Variants in CFAP77 observed in about 807,000 individuals in gnomAD.
The protein encoded by CFAP77 is cilia and flagella associated protein 77, also known as cilia- and flagella-associated protein 77.
CFAP77 carries 25 observed loss-of-function variants against 31.1 expected under a neutral mutation model. That is an observed-to-expected ratio of 0.80 (90% CI 0.59 to 1.12). The LOEUF (loss-of-function observed/expected upper bound fraction) is 1.12, where lower values mean the gene tolerates loss of function less well. Among genes scored for constraint, CFAP77 ranks in the 50% most tolerant of loss-of-function variants. The probability of loss-of-function intolerance (pLI) is 0.00; values close to 1 mark genes in which losing one functional copy is unlikely to be tolerated. For synonymous variants in CFAP77, 151 were observed against 159.9 expected (o/e 0.94, Z 0.42); for missense variants, 377 against 397.3 (o/e 0.95, Z 0.44).
intron 3 of CFAP77, among the ~76,000 whole-genome samples, chr9:132,515,000 G>T (rs1049577650): frequency 5.9e-5 from 9 of 152,164 alleles, no homozygotes; most frequent in Non-Finnish European, 8.8e-5. Flanking sequence ...GGACAGAAGT[G>T]CCGGGGGCCA....
At chr9:132,423,456 G>A (rs1403144174) in intron 1 of CFAP77, among the ~76,000 whole-genome samples, 1 of 152,214 alleles carries the variant, frequency 6.6e-6, no homozygotes, top group Non-Finnish European at 1.5e-5. Flanking sequence ...GCCGGGCACT[G>A]TGCCTCTCCC....
At chr9:132,487,339 G>A (rs1169918952) in intron 1 of CFAP77, among the ~76,000 whole-genome samples, 1 of 152,054 alleles carries the variant, frequency 6.6e-6, no homozygotes, top group Admixed American at 6.6e-5. Context: ...TCTCCTCCAT[G>A]ACCCCTCGCC....
chr9:132,549,389 C>T (rs1194076825), intron 5 of CFAP77, among the ~76,000 whole-genome samples: 2 of 152,168 alleles, frequency 1.3e-5, no homozygotes, highest in Non-Finnish European at 2.9e-5. Context: ...GTGTAGGGCA[C>T]CAAGTGCAGG....
At chr9:132,559,630 A>G (rs185548246) in intron 5 of CFAP77, among the ~76,000 whole-genome samples, 16 of 152,316 alleles carry the variant, frequency 1.1e-4, no homozygotes, top group African/African-American at 3.8e-4. Context: ...CAGTTCTCCA[A>G]AAGGCTAAAC....
chr9:132,461,387 G>A (rs1251800899), intron 1 of CFAP77, among the ~76,000 whole-genome samples: 1 of 152,228 alleles, frequency 6.6e-6, no homozygotes, highest in Non-Finnish European at 1.5e-5. Context: ...CCCTGGTACA[G>A]CCCGGTGCTG....
intron 1 of CFAP77, among the ~76,000 whole-genome samples, chr9:132,468,941 C>T (rs913489091): frequency 6.6e-6 from 1 of 152,078 alleles, no homozygotes; most frequent in African/African-American, 2.4e-5. Flanking sequence ...CATTTTCCAG[C>T]CCCCAGACCT....
chr9:132,419,780 A>T (rs1850177890), intron 1 of CFAP77, among the ~76,000 whole-genome samples: 1 of 152,152 alleles, frequency 6.6e-6, no homozygotes, highest in Non-Finnish European at 1.5e-5. Context: ...GGACCGGAGG[A>T]AACACAAGAG....
chr9:132,496,356 C>T (rs1851743589), intron 1 of CFAP77, among the ~76,000 whole-genome samples: 1 of 152,206 alleles, frequency 6.6e-6, no homozygotes, highest in Admixed American at 6.5e-5. Flanking sequence ...TTCACATTCC[C>T]TACAATTCAC....
At chr9:132,427,165 C>T (rs891219133) in intron 1 of CFAP77, among the ~76,000 whole-genome samples, 3 of 152,226 alleles carry the variant, frequency 2.0e-5, no homozygotes, top group Admixed American at 6.5e-5. Flanking sequence ...CCAGAACCGG[C>T]TTCCCCAGAG....
At chr9:132,432,227 T>C (rs1850422333) in intron 1 of CFAP77, among the ~76,000 whole-genome samples, 2 of 152,072 alleles carry the variant, frequency 1.3e-5, no homozygotes, top group African/African-American at 4.8e-5. Flanking sequence ...ACAATATAAG[T>C]GAGCCTGGAT....
chr9:132,440,992 T>A (rs1850605802), intron 1 of CFAP77, among the ~76,000 whole-genome samples: 1 of 152,206 alleles, frequency 6.6e-6, no homozygotes, highest in South Asian at 2.1e-4. Flanking sequence ...TCTAGCCTCC[T>A]TGATTTGAAG....
At position 132,446,765 on chromosome 9, in the gene CFAP77, A is replaced by G. The variant is rs986734784; in HGVS notation, c.195+36299A>G. ...TCTCAAAAAAAAAAAAAAAAAAAAA[A>G]AGATAACATGTGGCTGGCTGACTGA... On this transcript the variant is annotated intron_variant, in intron 1 of 5. Transcript: ENST00000393216. Among the ~76,000 whole-genome samples, 9 of 150,568 alleles carry G rather than the reference A, an allele frequency of 6.0e-5. 1 individual carries two copies. Among genetic ancestry groups the G allele is most frequent in the African/African-American group, 2.2e-4 (9 of 40,710 alleles).
chr9:132,454,758 C>A (rs941571557), intron 1 of CFAP77, among the ~76,000 whole-genome samples: 3 of 152,228 alleles, frequency 2.0e-5, no homozygotes, highest in Non-Finnish European at 2.9e-5. Flanking sequence ...CAGGGGCCAG[C>A]ATTGCCCTTG....
intron 3 of CFAP77, among the ~76,000 whole-genome samples, chr9:132,506,396 G>T (rs1423105706): frequency 6.6e-6 from 1 of 152,102 alleles, no homozygotes; most frequent in Non-Finnish European, 1.5e-5. Flanking sequence ...CATCTTAATT[G>T]TTACTGCTCC....
intron 5 of CFAP77, among the ~76,000 whole-genome samples, chr9:132,558,094 A>G (rs1182745467): frequency 5.3e-5 from 8 of 152,216 alleles, no homozygotes; most frequent in Non-Finnish European, 1.0e-4. Context: ...CCACCAGTCT[A>G]TTAGAGCCAA....
chr9:132,441,092 C>T (rs1850608230), intron 1 of CFAP77, among the ~76,000 whole-genome samples: 1 of 152,172 alleles, frequency 6.6e-6, no homozygotes, highest in South Asian at 2.1e-4. Context: ...CTCTCTGCAT[C>T]CTAAACACAC....
intron 1 of CFAP77, among the ~76,000 whole-genome samples, chr9:132,447,635 G>A (rs947245447): frequency 3.9e-5 from 6 of 152,212 alleles, no homozygotes; most frequent in East Asian, 1.9e-4. Flanking sequence ...CAGCGTGTCC[G>A]CCGTGTGTTC....
At chr9:132,446,339 G>A (rs1020932131) in intron 1 of CFAP77, among the ~76,000 whole-genome samples, 2 of 152,016 alleles carry the variant, frequency 1.3e-5, no homozygotes, top group African/African-American at 2.4e-5. Context: ...CTGGTCATGC[G>A]TGGTCCTGGT....
intron 1 of CFAP77, among the ~76,000 whole-genome samples, chr9:132,446,711 A>G (rs546168221): frequency 6.8e-6 from 1 of 146,964 alleles, no homozygotes; most frequent in Non-Finnish European, 1.5e-5. Context: ...ACTGCACTCC[A>G]GCCTGGGCGA....
Sources: allele counts gnomAD v4.1 joint callset (sites outside exome capture counted in the v4.1 genomes callset), GRCh38; gene constraint gnomAD v4.1.1; transcripts MANE v1.5; gene names NCBI Gene and HGNC (gene_info 2026-07-23, HGNC 2026-07-21).